Variants in PPP3R1 observed in about 807,000 individuals in gnomAD.
The protein encoded by PPP3R1 is protein phosphatase 3 regulatory subunit B, alpha.
Under a neutral mutation model 22.6 loss-of-function variants are expected in PPP3R1, and 5 were observed. The observed-to-expected ratio is 0.22, with a 90% CI of 0.12 to 0.46. The LOEUF is 0.46. PPP3R1 is among the 20% of genes least tolerant of loss of function. PPP3R1 has a pLI of 0.99. For synonymous variants in PPP3R1, 56 were observed against 65.2 expected, an observed-to-expected ratio of 0.86 and a Z score of 0.68; for missense variants, 61 against 203.2, an observed-to-expected ratio of 0.30 and a Z score of 4.25.
At chr2:68,218,256 T>G (rs1572966722) in intron 1 of PPP3R1, among the ~76,000 whole-genome samples, 1 of 152,260 alleles carries the variant, frequency 6.6e-6, no homozygotes, top group East Asian at 1.9e-4. Flanking sequence ...CTGAATTCTT[T>G]TTTTTAGTAT....
At chr2:68,221,977 A>T (rs979570734) in intron 1 of PPP3R1, among the ~76,000 whole-genome samples, 6 of 152,158 alleles carry the variant, frequency 3.9e-5, no homozygotes, top group African/African-American at 1.4e-4. Context: ...AAAAAAAGTC[A>T]AAAGAAAATT....
At chr2:68,194,908 CAACT>C (rs1674737199) in intron 2 of PPP3R1, among the ~76,000 whole-genome samples, 2 of 151,926 alleles carry the variant, frequency 1.3e-5, no homozygotes, top group African/African-American at 2.4e-5. Flanking sequence ...ATTAATACAC[CAACT>C]GATTTAAAAC....
intron 1 of PPP3R1, among the ~76,000 whole-genome samples, chr2:68,242,815 C>G (rs1307081089): frequency 1.3e-5 from 2 of 152,166 alleles, no homozygotes; most frequent in South Asian, 4.1e-4. Context: ...ATCCCTGAAT[C>G]TAGACAGATT....
intron 2 of PPP3R1, among the ~76,000 whole-genome samples, chr2:68,216,728 G>C (rs1208342577): frequency 6.6e-6 from 1 of 152,156 alleles, no homozygotes; most frequent in Non-Finnish European, 1.5e-5. Flanking sequence ...GGCATTCCAA[G>C]ACAAGGGAGC....
chr2:68,229,850 T>C (rs907209181), intron 1 of PPP3R1, among the ~76,000 whole-genome samples: 1 of 151,984 alleles, frequency 6.6e-6, no homozygotes, highest in Non-Finnish European at 1.5e-5. Flanking sequence ...TGCCAGTATG[T>C]TTAATTGGTG....
chr2:68,222,061 TAAATA>T (rs540983890), intron 1 of PPP3R1, among the ~76,000 whole-genome samples: 128 of 152,112 alleles, frequency 8.4e-4, no homozygotes, highest in Non-Finnish European at 1.3e-3. Context: ...TCAGAAATGG[TAAATA>T]AAATAAAATA....
chr2:68,198,197 CAT>C (rs1259017880), intron 2 of PPP3R1, among the ~76,000 whole-genome samples: 5 of 139,024 alleles, frequency 3.6e-5, no homozygotes, highest in East Asian at 2.1e-4. Context: ...TATATATTTA[CAT>C]ATATGTGCAT....
At chr2:68,204,567 G>A (rs1300380691) in intron 2 of PPP3R1, among the ~76,000 whole-genome samples, 1 of 152,066 alleles carries the variant, frequency 6.6e-6, no homozygotes, top group Non-Finnish European at 1.5e-5. Flanking sequence ...GTTATTTAAA[G>A]TCTCTTTGCT....
intron 1 of PPP3R1, among the ~76,000 whole-genome samples, chr2:68,247,013 T>G (rs916847300): frequency 1.3e-5 from 2 of 151,398 alleles, no homozygotes; most frequent in African/African-American, 4.9e-5. Flanking sequence ...TGGAGTGCAG[T>G]CACACAATCT....
intron 2 of PPP3R1, among the ~76,000 whole-genome samples, chr2:68,209,385 A>AC (rs1669424783): frequency 6.9e-6 from 1 of 145,396 alleles, no homozygotes; most frequent in Non-Finnish European, 1.5e-5. Context: ...AAAAAAAAAA[A>AC]AAAAAACTGT....
intron 1 of PPP3R1, among the ~76,000 whole-genome samples, chr2:68,241,889 A>G (rs1303649395): frequency 2.6e-5 from 4 of 152,006 alleles, no homozygotes; most frequent in Admixed American, 1.3e-4. Flanking sequence ...AGTTTCATTG[A>G]CATGCAGGTG....
intron 2 of PPP3R1, among the ~76,000 whole-genome samples, chr2:68,189,211 C>T (rs1229451294): frequency 1.3e-5 from 2 of 152,124 alleles, no homozygotes; most frequent in Non-Finnish European, 2.9e-5. Context: ...CCTCCCTTCC[C>T]ACCCCGAGAT....
chr2:68,238,180 A>C (rs1010108146), intron 1 of PPP3R1, among the ~76,000 whole-genome samples: 9 of 152,122 alleles, frequency 5.9e-5, no homozygotes, highest in Non-Finnish European at 1.0e-4. Context: ...GCATTAAGTG[A>C]CAGATACCAC....
intron 5 of PPP3R1, among the ~76,000 whole-genome samples, chr2:68,181,463 C>T (rs1266360267): frequency 6.6e-6 from 1 of 151,048 alleles, no homozygotes; most frequent in African/African-American, 2.4e-5. Context: ...AAAACCAAAA[C>T]AACAAAACTT....
At chr2:68,194,918 A>C (rs1311427304) in intron 2 of PPP3R1, among the ~76,000 whole-genome samples, 1 of 152,150 alleles carries the variant, frequency 6.6e-6, no homozygotes, top group Non-Finnish European at 1.5e-5. Flanking sequence ...CAACTGATTT[A>C]AAACAAAGCA....
chr2:68,211,456 T>C (rs1273866512), intron 2 of PPP3R1, among the ~76,000 whole-genome samples: 1 of 149,582 alleles, frequency 6.7e-6, no homozygotes, highest in Non-Finnish European at 1.5e-5. Context: ...AAGGATCACC[T>C]GAGCTTTCAG....
intron 2 of PPP3R1, among the ~76,000 whole-genome samples, chr2:68,210,447 A>G (rs1316910918): frequency 1.3e-5 from 2 of 152,196 alleles, no homozygotes; most frequent in African/African-American, 2.4e-5. Context: ...TCTGCCTTCA[A>G]TAAGAACTTT....
chr2:68,196,512 T>A (rs1386316838), intron 2 of PPP3R1, among the ~76,000 whole-genome samples: 2 of 152,134 alleles, frequency 1.3e-5, no homozygotes, highest in Admixed American at 6.6e-5. Flanking sequence ...TGAACACAGG[T>A]CATACATGTA....
intron 1 of PPP3R1, among the ~76,000 whole-genome samples, chr2:68,220,932 T>C (rs1204491928): frequency 6.6e-6 from 1 of 152,028 alleles, no homozygotes; most frequent in Non-Finnish European, 1.5e-5. Context: ...GGCTATGGGG[T>C]TTCCTTTTAG....
Sources: gnomAD v4.1 joint callset for allele counts (sites outside exome capture counted in the v4.1 genomes callset) on GRCh38, gnomAD v4.1.1 for gene constraint, MANE v1.5 for transcripts, NCBI Gene and HGNC (gene_info 2026-07-23, HGNC 2026-07-21) for gene names.